Variants in EHBP1 observed in about 807,000 individuals in gnomAD.
EHBP1 encodes EH domain binding protein 1.
In EHBP1, 55 loss-of-function variants were observed where a neutral mutation model predicts 144.0. That is an observed-to-expected ratio of 0.38 (90% CI 0.31 to 0.48). The LOEUF is 0.48. Among genes scored for constraint, EHBP1 ranks in the 20% least tolerant of loss-of-function variants. EHBP1 has a pLI of 0.98. For synonymous variants in EHBP1, 469 were observed against 472.7 expected (o/e 0.99, Z 0.10); for missense variants, 1,200 against 1,364.2 (o/e 0.88, Z 1.90).
chr2:63,031,377 AG>A (rs2061241430), intron 19 of EHBP1, among the ~76,000 whole-genome samples: 2 of 152,224 alleles, frequency 1.3e-5, no homozygotes, highest in Admixed American at 1.3e-4. Context: ...TTCTCCAAGA[AG>A]ACTACTGTCT....
chr2:62,694,243 A>G (rs946905243), intron 1 of EHBP1, among the ~76,000 whole-genome samples: 3 of 152,236 alleles, frequency 2.0e-5, no homozygotes, highest in African/African-American at 7.2e-5. Context: ...GAAGTTATCA[A>G]CAATATACTC....
intron 19 of EHBP1, among the ~76,000 whole-genome samples, chr2:63,027,537 A>G (rs1459255261): frequency 7.3e-6 from 1 of 137,670 alleles, no homozygotes; most frequent in Admixed American, 7.2e-5. Flanking sequence ...TGTTCAAGTT[A>G]GAAAGCTGCT....
At chr2:63,020,058 G>A (rs2060662459) in intron 19 of EHBP1, among the ~76,000 whole-genome samples, 2 of 151,934 alleles carry the variant, frequency 1.3e-5, no homozygotes, top group African/African-American at 2.4e-5. Context: ...GGGCGAGGTG[G>A]CTCATGCCTG....
chr2:62,881,026 G>GTATATATATATA (rs141279676), intron 10 of EHBP1, among the ~76,000 whole-genome samples: 1 of 151,392 alleles, frequency 6.6e-6, no homozygotes, highest in African/African-American at 2.4e-5. Context: ...TGAAAATGTG[G>GTATATATATATA]TATATATATA....
intron 15 of EHBP1, among the ~76,000 whole-genome samples, chr2:62,980,358 C>T (rs1005927548): frequency 2.0e-5 from 3 of 152,050 alleles, no homozygotes; most frequent in Admixed American, 6.6e-5. Context: ...GACAGGAGGC[C>T]GAACTCAGGA....
chr2:62,714,048 A>C (rs140450716), intron 2 of EHBP1, among the ~76,000 whole-genome samples: 6 of 152,154 alleles, frequency 3.9e-5, no homozygotes, highest in Admixed American at 1.3e-4. Flanking sequence ...AAGAGTTGGC[A>C]GGCAAACTCT....
chr2:62,706,877 G>T lies in EHBP1; in HGVS notation c.-295-20G>T, dbSNP rs2034644240. 3.9e-6 allele frequency: 1 copy of T among 256,944 alleles called. No homozygotes were observed. The highest frequency in any genetic ancestry group is 7.6e-6 in the Non-Finnish European group (1 of 131,712). 15.9% of individuals were successfully genotyped at this position (256,944 alleles called of 1,614,324 possible). The stretch of plus-strand genomic sequence containing the variant: ...CTCTCCTCATATTCTTTCTCTTTTT[G>T]TCTTTGTTTTGCTTTTCAGCCCTCC... On this transcript the variant is annotated intron_variant, in intron 1 of 22. Coordinates refer to ENST00000431489, the MANE Select transcript of EHBP1 (RefSeq NM_001142616.3).
At chr2:62,744,900 G>C (rs940411665) in intron 2 of EHBP1, among the ~76,000 whole-genome samples, 5 of 152,042 alleles carry the variant, frequency 3.3e-5, no homozygotes, top group East Asian at 3.9e-4. Flanking sequence ...GTCAGCCTTG[G>C]CTGCACATTA....
intron 7 of EHBP1, among the ~76,000 whole-genome samples, chr2:62,837,497 T>C (rs1190896631): frequency 4.6e-5 from 7 of 151,916 alleles, no homozygotes; most frequent in Non-Finnish European, 1.0e-4. Flanking sequence ...CAATATTAAC[T>C]TTAAATATAC....
intron 5 of EHBP1, among the ~76,000 whole-genome samples, chr2:62,788,269 A>G (rs1256036725): frequency 6.6e-6 from 1 of 152,082 alleles, no homozygotes; most frequent in East Asian, 1.9e-4. Context: ...AAATATTTGT[A>G]TGTTTTCTCT....
chr2:62,773,850 C>CAAAAAAAAAAAAAAAAAAAAAAAAAAAA (rs570715468), intron 5 of EHBP1, among the ~76,000 whole-genome samples: 2 of 41,552 alleles, frequency 4.8e-5, no homozygotes, highest in Non-Finnish European at 8.2e-5. Flanking sequence ...GACTCCATCT[C>CAAAAAAAAAAAAAAAAAAAAAAAAAAAA]AAAAAAAAAA....
chr2:62,896,132 C>T (rs758932033), intron 10 of EHBP1, among the ~76,000 whole-genome samples: 8 of 152,024 alleles, frequency 5.3e-5, no homozygotes, highest in South Asian at 2.1e-4. Context: ...GTAAATGCAT[C>T]GGAGGAAAAG....
At chr2:62,769,056 C>T (rs752403991) in intron 4 of EHBP1, among the ~76,000 whole-genome samples, 3 of 152,118 alleles carry the variant, frequency 2.0e-5, no homozygotes, top group African/African-American at 4.8e-5. Context: ...AACATCATAT[C>T]GAATGGGCAA....
Position 62,714,724 on chromosome 2 carries a change from G to A in EHBP1, c.104+7429G>A, listed in dbSNP as rs536686271. 7.2e-5 allele frequency among the ~76,000 whole-genome samples: 11 copies of A among 152,316 alleles called. No individual in the cohort carries two copies. In the South Asian group the frequency reaches 2.3e-3, roughly 32 times the overall value. ...AGTGATGAAGAGAACTATCTAGAGA[G>A]AAAGGTTAGAGTAGGTGGGAAGAAG... On this transcript the variant is annotated intron_variant, in intron 2 of 22. Transcript: ENST00000431489.
At chr2:62,838,750 A>G (rs2047523721) in intron 7 of EHBP1, among the ~76,000 whole-genome samples, 1 of 151,088 alleles carries the variant, frequency 6.6e-6, no homozygotes, top group Admixed American at 6.6e-5. Context: ...GAAGAAATGG[A>G]TACATTCCTC....
At chr2:62,728,719 A>G (rs1170597288) in intron 2 of EHBP1, among the ~76,000 whole-genome samples, 1 of 152,032 alleles carries the variant, frequency 6.6e-6, no homozygotes, top group Non-Finnish European at 1.5e-5. Context: ...TTTTTAAAAA[A>G]GGGCTTAATT....
intron 5 of EHBP1, among the ~76,000 whole-genome samples, chr2:62,820,858 C>G (rs542856849): frequency 1.4e-4 from 20 of 145,946 alleles, no homozygotes; most frequent in African/African-American, 4.8e-4. Flanking sequence ...ATTTAGAATA[C>G]TGTTTCCTTC....
intron 5 of EHBP1, among the ~76,000 whole-genome samples, chr2:62,792,923 A>T (rs1238836541): frequency 6.6e-6 from 1 of 151,844 alleles, no homozygotes; most frequent in East Asian, 1.9e-4. Context: ...TGTTCTTTAG[A>T]CTTATTTTTT....
In EHBP1 at chr2:63,045,252, A is replaced by T; in HGVS notation, c.3392+72A>T. The stretch of plus-strand genomic sequence containing the variant: ...GGCCGAGAAGTGTGCGGAAAGTTCA[A>T]TCCAGAGGTCGCGGGAGGGCCGGGG... On this transcript the variant is annotated intron_variant, in intron 22 of 22. Coordinates refer to ENST00000431489, the MANE Select transcript of EHBP1 (RefSeq NM_001142616.3). The surrounding 1 kb of genome is among the most constrained non-coding windows in gnomAD (Gnocchi z 5.7). 1.4e-6 allele frequency: 2 copies of T among 1,471,246 alleles called. No individual in the cohort carries two copies. The highest frequency in any genetic ancestry group is 2.4e-5 in the South Asian group (2 of 82,312). The allele number at this position is 1,471,246 out of a possible 1,614,324, so 91.1% of individuals were successfully genotyped here.
Sources: gnomAD v4.1 joint callset for allele counts (sites outside exome capture counted in the v4.1 genomes callset) on GRCh38, gnomAD v4.1.1 for gene constraint, Gnocchi (gnomAD v3.1) non-coding constraint, MANE v1.5 for transcripts, NCBI Gene and HGNC (gene_info 2026-07-23, HGNC 2026-07-21) for gene names.